Variants in LRRC53 observed in about 807,000 individuals in gnomAD.
The protein encoded by LRRC53 is leucine rich repeat containing 53, also known as leucine-rich repeat-containing protein 53.
Under a neutral mutation model 13.6 loss-of-function variants are expected in LRRC53, and 25 were observed. The observed-to-expected ratio is 1.83, with a 90% CI of 1.34 to 2.56. The LOEUF (loss-of-function observed/expected upper bound fraction) is 2.56. Among genes scored for constraint, LRRC53 ranks in the 30% most tolerant of loss-of-function variants. The pLI, the probability that LRRC53 is intolerant of heterozygous loss-of-function variation, is 0.00. For missense variants in LRRC53, 527 were observed against 275.8 expected, an observed-to-expected ratio of 1.91 and a Z score of -6.45; for synonymous variants, 204 against 109.8, an observed-to-expected ratio of 1.86 and a Z score of -5.37.
Position 74,471,574 on chromosome 1 carries a change from C to G in LRRC53, c.2048G>C (p.Gly683Ala), listed in dbSNP as rs759457091. 1.2e-5 allele frequency: 5 copies of G among 400,522 alleles called. No individual in the cohort carries two copies. Among genetic ancestry groups the G allele is most frequent in the Non-Finnish European group, 2.2e-5 (5 of 226,252 alleles). The allele number at this position is 400,522 out of a possible 1,614,324, so 24.8% of individuals were successfully genotyped here. A position where few individuals can be genotyped will look rare whatever the true frequency, so the allele number is the denominator to read the frequency against. ...CCATTTTTCTCCTTTGTTTCTCTCC[C>G]CAGTGTTGCTAAATTTTTTAACATC... The part of the protein sequence containing the change: ...KLDVKKFSNT[G>A]ERNKGEKWFT... Residue 683 changes from glycine (G) to alanine (A), a missense_variant, in exon 5 of 5, where the codon GGG (glycine) becomes GCG (alanine). Physicochemically the swap from Gly to Ala is moderately conservative, Grantham distance 60. Transcript: ENST00000294635.
At position 74,483,373 on chromosome 1, in the gene LRRC53, C is replaced by T; in HGVS notation, c.-24G>A. 1 of 717,116 alleles carries T rather than the reference C, an allele frequency of 1.4e-6. No homozygotes were observed. The highest frequency in any genetic ancestry group is 2.0e-5 in the Admixed American group (1 of 50,000). The allele number at this position is 717,116 out of a possible 1,614,324, so 44.4% of individuals were successfully genotyped here. A position where few individuals can be genotyped will look rare whatever the true frequency, so the allele number is the denominator to read the frequency against. On this transcript the variant is annotated splice_region_variant and 5_prime_UTR_variant, in exon 2 of 5. Transcript: ENST00000294635. ...ATGATGGCAAAGAGTACCAGCCATC[C>T]ACCTGAAAGGAAAGTAGAGGGCAAT...
chr1:74,496,578 T>A (rs1669335536), intron 1 of LRRC53, among the ~76,000 whole-genome samples: 2 of 152,178 alleles, frequency 1.3e-5, no homozygotes, highest in South Asian at 4.1e-4. Context: ...CTTGATTTTA[T>A]GGGGTTTTTG....
chr1:74,516,430 A>G (rs1646349039), upstream of LRRC53, among the ~76,000 whole-genome samples: 1 of 152,222 alleles, frequency 6.6e-6, no homozygotes, highest in South Asian at 2.1e-4. Context: ...AATCCGTACA[A>G]TACAAGGCAT....
intron 1 of LRRC53, among the ~76,000 whole-genome samples, chr1:74,507,414 G>T (rs1259963290): frequency 6.6e-6 from 1 of 152,076 alleles, no homozygotes; most frequent in Non-Finnish European, 1.5e-5. Context: ...TGATGTCTTT[G>T]TATGTCAATT....
chr1:74,525,922 C>G, the LRRC53 span, among the ~76,000 whole-genome samples: 20 of 152,104 alleles, frequency 1.3e-4, no homozygotes, highest in Admixed American at 1.3e-3. Context: ...GCAAGGCACC[C>G]CAGCTACATA....
At position 74,472,089 on chromosome 1, in the gene LRRC53, T is replaced by C. The variant is rs1168166706; in HGVS notation, c.1533A>G (p.Lys511=). 1 of 717,268 alleles carries C rather than the reference T, an allele frequency of 1.4e-6. No homozygotes were observed. 44.4% of individuals were successfully genotyped at this position (717,268 alleles called of 1,614,324 possible). A position where few individuals can be genotyped will look rare whatever the true frequency, so the allele number is the denominator to read the frequency against. Residue 511 remains lysine (K), a synonymous_variant, in exon 5 of 5, where the codon AAA becomes AAG. Transcript: ENST00000294635. ...TATGAGGGTGTAAGCCATTGTCTTC[T>C]TTTTCTATTGGAGGCTGCCATGATT... ...TNESWQPPIE[K]EDNGLHPHRQ...
At chr1:74,531,677 T>C in the LRRC53 span, among the ~76,000 whole-genome samples, 1 of 152,242 alleles carries the variant, frequency 6.6e-6, no homozygotes, top group African/African-American at 2.4e-5. Context: ...TTTCTCCACC[T>C]TTTCTTTGTA....
At chr1:74,531,206 C>T in the LRRC53 span, among the ~76,000 whole-genome samples, 1 of 152,194 alleles carries the variant, frequency 6.6e-6, no homozygotes, top group African/African-American at 2.4e-5. Flanking sequence ...AATGCTTTGG[C>T]ACTTGCCCAT....
At chr1:74,497,746 A>G (rs557097914) in intron 1 of LRRC53, among the ~76,000 whole-genome samples, 1 of 152,264 alleles carries the variant, frequency 6.6e-6, no homozygotes, top group Non-Finnish European at 1.5e-5. Context: ...ACCTACTACC[A>G]TCATAATTTT....
chr1:74,476,628 C>T (rs1228285577), intron 3 of LRRC53, among the ~76,000 whole-genome samples: 1 of 151,988 alleles, frequency 6.6e-6, no homozygotes, highest in Non-Finnish European at 1.5e-5. Flanking sequence ...ATAATGAAAT[C>T]ATTGGTGATC....
intron 1 of LRRC53, 122 bp from the exon 2 acceptor site, chr1:74,483,497 C>G: frequency 1.9e-6 from 1 of 523,906 alleles, no homozygotes. Context: ...TCTTGGTGTT[C>G]TCTTAAGATG....
the LRRC53 span, among the ~76,000 whole-genome samples, chr1:74,534,055 C>A: frequency 6.6e-6 from 1 of 152,226 alleles, no homozygotes; most frequent in African/African-American, 2.4e-5. Flanking sequence ...TCCCAGACAC[C>A]CCACAGGGGT....
At chr1:74,479,901 A>G (rs1358314246) in intron 3 of LRRC53, among the ~76,000 whole-genome samples, 1 of 152,268 alleles carries the variant, frequency 6.6e-6, no homozygotes, top group Non-Finnish European at 1.5e-5. Flanking sequence ...CAAGGTCACC[A>G]ATGCTATTTA....
At chr1:74,507,226 C>CCT (rs1669951972) in intron 1 of LRRC53, among the ~76,000 whole-genome samples, 1 of 135,784 alleles carries the variant, frequency 7.4e-6, no homozygotes. Flanking sequence ...TTTCTTCACC[C>CCT]CCCCCCCATC....
chr1:74,491,146 C>T (rs1362558952), intron 1 of LRRC53, among the ~76,000 whole-genome samples: 1 of 152,126 alleles, frequency 6.6e-6, no homozygotes, highest in Non-Finnish European at 1.5e-5. Context: ...AATCACGTAA[C>T]ATGAAAACCG....
chr1:74,483,628 A>G (rs990372846), intron 1 of LRRC53, among the ~76,000 whole-genome samples: 2 of 152,230 alleles, frequency 1.3e-5, no homozygotes, highest in African/African-American at 4.8e-5. Context: ...GAAAAAATTA[A>G]GTTACTTTGC....
chr1:74,488,840 A>G (rs574193483), intron 1 of LRRC53, among the ~76,000 whole-genome samples: 1 of 152,326 alleles, frequency 6.6e-6, no homozygotes, highest in South Asian at 2.1e-4. Context: ...GTGTATTACA[A>G]GGCACTGAGA....
At chr1:74,499,419 C>G (rs1669495057) in intron 1 of LRRC53, among the ~76,000 whole-genome samples, 1 of 152,210 alleles carries the variant, frequency 6.6e-6, no homozygotes, top group Non-Finnish European at 1.5e-5. Context: ...ATATGAGCCA[C>G]TGCACCAGGC....
rs1667850807 is a variant in LRRC53, at chr1:74,470,096, G to A, written c.3526C>T (p.Gln1176Ter). The A allele has an allele frequency of 2.5e-6, 1 of 400,690 alleles. No homozygotes were observed. Among genetic ancestry groups the A allele is most frequent in the Non-Finnish European group, 4.4e-6 (1 of 226,160 alleles). The allele number at this position is 400,690 out of a possible 1,614,324, so 24.8% of individuals were successfully genotyped here. ...TTATGTGCACTATCTTTATCTGGTTGAATATTTTGAACTTCTCTAAAATTA... is the reference window on the plus strand; with the variant it reads ...TTATGTGCACTATCTTTATCTGGTTAAATATTTTGAACTTCTCTAAAATTA... The part of the protein sequence containing the change: ...VHNFREVQNI[Q>*]PDKDSAHKEG... Residue 1176 changes from glutamine to a stop codon, truncating the protein, a stop_gained, in exon 5 of 5, where the codon CAA (glutamine) becomes TAA (stop). Coordinates refer to ENST00000294635, the MANE Select transcript of LRRC53 (RefSeq NM_001382280.1). LOFTEE classifies it low-confidence loss of function (END_TRUNC).
Sources: allele counts gnomAD v4.1 joint callset (sites outside exome capture counted in the v4.1 genomes callset), GRCh38; gene constraint gnomAD v4.1.1; transcripts MANE v1.5; gene names NCBI Gene and HGNC (gene_info 2026-07-23, HGNC 2026-07-21).